The following MBNL1 variants were observed in gnomAD, a reference collection of about 807,000 sequenced individuals.
MBNL1 encodes the protein muscleblind like splicing regulator 1.
Under a neutral mutation model 42.2 loss-of-function variants are expected in MBNL1, and 8 were observed. That is an observed-to-expected ratio of 0.19 (90% CI 0.11 to 0.34). The LOEUF is 0.34. Among genes scored for constraint, MBNL1 ranks in the 10% least tolerant of loss-of-function variants. The pLI is 1.00. For missense variants in MBNL1, 309 were observed against 495.3 expected (o/e 0.62, Z 3.57); for synonymous variants, 169 against 173.9 (o/e 0.97, Z 0.22).
chr3:152,419,140 G>A lies in MBNL1; in HGVS notation c.345+4029G>A, dbSNP rs547075231. On this transcript the variant is annotated intron_variant, in intron 3 of 9. Coordinates refer to ENST00000324210, the MANE Select transcript of MBNL1 (RefSeq NM_021038.5). ...TAATATTATCAATTATAGAATAATT[G>A]ACATTCTGCTGTCATTCCTATATCA... Among the ~76,000 whole-genome samples the A allele has an allele frequency of 1.7e-3, 264 of 151,978 alleles. 3 individuals carry two copies. Among genetic ancestry groups the A allele is most frequent in the South Asian group, 9.6e-3 (46 of 4,794 alleles).
intron 9 of MBNL1, among the ~76,000 whole-genome samples, chr3:152,462,073 T>C (rs932881666): frequency 6.6e-6 from 1 of 152,172 alleles, no homozygotes; most frequent in Non-Finnish European, 1.5e-5. Context: ...CCTACAACAA[T>C]TGTGCTAAAA....
chr3:152,394,543 T>G (rs1455004248), intron 2 of MBNL1, among the ~76,000 whole-genome samples: 2 of 152,214 alleles, frequency 1.3e-5, no homozygotes, highest in Admixed American at 6.5e-5. Flanking sequence ...ACAGTACTGG[T>G]GCTATAGAAT....
intron 2 of MBNL1, among the ~76,000 whole-genome samples, chr3:152,305,175 A>G (rs939685605): frequency 6.6e-6 from 1 of 152,214 alleles, no homozygotes; most frequent in Admixed American, 6.5e-5. Context: ...AAACAATTGC[A>G]TATATAAGGC....
intron 2 of MBNL1, among the ~76,000 whole-genome samples, chr3:152,377,465 T>C: frequency 6.6e-6 from 1 of 152,334 alleles, no homozygotes; most frequent in South Asian, 2.1e-4. Context: ...TGTTAATTTA[T>C]ATTGTATTAT....
intron 2 of MBNL1, among the ~76,000 whole-genome samples, chr3:152,393,523 T>G (rs2097800716): frequency 1.3e-5 from 2 of 152,226 alleles, no homozygotes; most frequent in South Asian, 4.1e-4. Context: ...AAATGAATGT[T>G]ACGGTGAAAT....
At chr3:152,345,465 A>G (rs1401488457) in intron 2 of MBNL1, among the ~76,000 whole-genome samples, 1 of 152,164 alleles carries the variant, frequency 6.6e-6, no homozygotes, top group Admixed American at 6.6e-5. Flanking sequence ...TTTGGTAATC[A>G]TCACCATTCT....
At chr3:152,382,574 C>T (rs964514985) in intron 2 of MBNL1, among the ~76,000 whole-genome samples, 1 of 152,096 alleles carries the variant, frequency 6.6e-6, no homozygotes, top group Non-Finnish European at 1.5e-5. Flanking sequence ...ATTATGATAG[C>T]ACTTATTTCC....
chr3:152,303,755 C>G (rs1335112617), intron 2 of MBNL1, among the ~76,000 whole-genome samples: 1 of 151,954 alleles, frequency 6.6e-6, no homozygotes, highest in Admixed American at 6.6e-5. Flanking sequence ...ACGATATGAT[C>G]AACAGAAATA....
intron 2 of MBNL1, among the ~76,000 whole-genome samples, chr3:152,335,473 C>T (rs754844765): frequency 5.3e-5 from 8 of 152,144 alleles, no homozygotes; most frequent in Non-Finnish European, 1.0e-4. Flanking sequence ...GAAGTTTGTT[C>T]AGTACTTCAG....
At chr3:152,275,764 ACAAAAACGGACCT>A (rs1362216267) in intron 1 of MBNL1, among the ~76,000 whole-genome samples, 4 of 151,694 alleles carry the variant, frequency 2.6e-5, no homozygotes, top group Non-Finnish European at 5.9e-5. Context: ...AGGTAGAAAA[ACAAAAACGGACCT>A]CATTAGAGGA....
At chr3:152,315,224 G>T (rs540568162) in intron 2 of MBNL1, among the ~76,000 whole-genome samples, 2 of 152,196 alleles carry the variant, frequency 1.3e-5, no homozygotes, top group Non-Finnish European at 2.9e-5. Flanking sequence ...AAATGGTGCC[G>T]TAAGGCTTTC....
At chr3:152,386,400 G>T (rs778994115) in intron 2 of MBNL1, among the ~76,000 whole-genome samples, 4 of 151,956 alleles carry the variant, frequency 2.6e-5, no homozygotes, top group Non-Finnish European at 5.9e-5. Context: ...ATTTTTCATA[G>T]AACATATTAA....
intron 2 of MBNL1, among the ~76,000 whole-genome samples, chr3:152,410,765 G>A (rs1249299679): frequency 3.9e-5 from 6 of 152,182 alleles, no homozygotes; most frequent in African/African-American, 1.4e-4. Context: ...GAAACGTAAC[G>A]TTGTAAAAAA....
chr3:152,463,610 T>C lies in MBNL1; in HGVS notation c.*1244T>C, dbSNP rs568829024. On this transcript the variant is annotated 3_prime_UTR_variant, in exon 10 of 10. Coordinates refer to ENST00000324210, the MANE Select transcript of MBNL1 (RefSeq NM_021038.5). ...TAATTGGGTGGGTTAAGTACATGGG[T>C]GAATTTTATATGTGATTTTTGTTTT... The C allele has an allele frequency of 9.2e-5, 14 of 152,600 alleles. No individual in the cohort carries two copies. Among genetic ancestry groups the C allele is most frequent in the Admixed American group, 3.3e-4 (5 of 15,286 alleles). The allele number at this position is 152,600 out of a possible 1,614,324, so 9.5% of individuals were successfully genotyped here. A position where few individuals can be genotyped will look rare whatever the true frequency, so the allele number is the denominator to read the frequency against.
chr3:152,311,075 C>T (rs1411034571), intron 2 of MBNL1, among the ~76,000 whole-genome samples: 2 of 131,576 alleles, frequency 1.5e-5, no homozygotes, highest in Non-Finnish European at 3.1e-5. Context: ...GTGGTGCCAT[C>T]TCAGCTTACT....
chr3:152,406,118 A>G (rs2098421148), intron 2 of MBNL1, among the ~76,000 whole-genome samples: 1 of 152,192 alleles, frequency 6.6e-6, no homozygotes, highest in African/African-American at 2.4e-5. Context: ...GGTTTGGCTC[A>G]GGGATGGTGG....
At chr3:152,343,614 A>G (rs558586345) in intron 2 of MBNL1, among the ~76,000 whole-genome samples, 26 of 152,304 alleles carry the variant, frequency 1.7e-4, no homozygotes, top group African/African-American at 5.5e-4. Flanking sequence ...TCGAGGCTGC[A>G]GTGCAGAAAG....
rs536680653 is a variant in MBNL1 at position 152,444,434 on chromosome 3, T to G, written c.550-848T>G. Among the ~76,000 whole-genome samples the G allele has an allele frequency of 7.2e-5, 11 of 152,266 alleles. No homozygotes were observed. In the East Asian group the frequency reaches 2.1e-3, roughly 29 times the overall value. ...TTTATATAGCTACCAAGTGAATCTC[T>G]AAAGATCAAAAAAATAACTCCTGGA... On this transcript the variant is annotated intron_variant, in intron 4 of 9. Transcript: ENST00000324210.
intron 2 of MBNL1, among the ~76,000 whole-genome samples, chr3:152,391,594 G>T (rs1402512218): frequency 6.6e-6 from 1 of 152,206 alleles, no homozygotes; most frequent in Non-Finnish European, 1.5e-5. Context: ...GGCTGACAGT[G>T]TTGGGGGCTT....
Sources: gnomAD v4.1 joint callset for allele counts (sites outside exome capture counted in the v4.1 genomes callset) on GRCh38, gnomAD v4.1.1 for gene constraint, MANE v1.5 for transcripts, NCBI Gene and HGNC (gene_info 2026-07-23, HGNC 2026-07-21) for gene names.